SLMAP: variants seen among roughly 807,000 people sequenced by gnomAD.
The protein encoded by SLMAP is sarcolemmal membrane-associated protein.
In SLMAP, 44 loss-of-function variants were observed where a neutral mutation model predicts 128.8. The ratio of observed to expected loss-of-function variants is 0.34; its 90% CI spans 0.27 to 0.44. The LOEUF (loss-of-function observed/expected upper bound fraction) is 0.44, where lower values mean the gene tolerates loss of function less well. Among genes scored for constraint, SLMAP ranks in the 20% least tolerant of loss-of-function variants. SLMAP has a pLI of 1.00. For synonymous variants in SLMAP, 327 were observed against 348.8 expected (o/e 0.94, Z 0.70); for missense variants, 787 against 985.3 (o/e 0.80, Z 2.69).
intron 14 of SLMAP, among the ~76,000 whole-genome samples, chr3:57,872,500 T>A (rs1049583887): frequency 1.3e-5 from 2 of 151,916 alleles, no homozygotes; most frequent in African/African-American, 4.8e-5. Flanking sequence ...GCGCCTATAA[T>A]CCCAGCTTCT....
intron 14 of SLMAP, among the ~76,000 whole-genome samples, chr3:57,879,463 A>G (rs6445931): frequency 0.31 from 47,438 of 151,994 alleles, 7,762 homozygotes; most frequent in East Asian, 0.48. Flanking sequence ...CCAAACTGGA[A>G]ACAGCCAAAA....
chr3:57,860,534 T>C (rs2094999201), intron 8 of SLMAP, among the ~76,000 whole-genome samples, 165 bp from the exon 9 acceptor site: 1 of 152,186 alleles, frequency 6.6e-6, no homozygotes. Context: ...AATTTACTTA[T>C]GCAACTTGTA....
chr3:57,848,961 G>A (rs962948198), intron 5 of SLMAP, among the ~76,000 whole-genome samples: 8 of 151,680 alleles, frequency 5.3e-5, no homozygotes, highest in African/African-American at 1.9e-4. Flanking sequence ...TGGCTGCCTC[G>A]GCCTCCCAAA....
At position 57,916,855 on chromosome 3, in the gene SLMAP, T is replaced by G. The variant is rs1478848626; in HGVS notation, c.2139-51T>G. ...ATGTATAAGAAACTGGACTTCCTTC[T>G]GTGTCCAGTTTCTACCTGTGAATAA... is the stretch of plus-strand genomic sequence containing the variant. On this transcript the variant is annotated intron_variant, in intron 21 of 24. Transcript: ENST00000671191. 2.7e-6 allele frequency: 4 copies of G among 1,473,006 alleles called. No homozygotes were observed. In the Admixed American group the frequency reaches 7.2e-5, roughly 26 times the overall value. 91.2% of individuals were successfully genotyped at this position (1,473,006 alleles called of 1,614,324 possible).
At chr3:57,777,867 A>G (rs984692653) in intron 2 of SLMAP, among the ~76,000 whole-genome samples, 3 of 152,244 alleles carry the variant, frequency 2.0e-5, no homozygotes, top group Non-Finnish European at 4.4e-5. Context: ...ATCAAGTGTG[A>G]GTGATACCGT....
intron 17 of SLMAP, among the ~76,000 whole-genome samples, chr3:57,903,833 A>G (rs1217307759): frequency 1.3e-5 from 2 of 152,172 alleles, no homozygotes; most frequent in Non-Finnish European, 2.9e-5. Flanking sequence ...TAAGGCTTTC[A>G]TTTATCTTCA....
chr3:57,915,607 T>G (rs2096793904), intron 21 of SLMAP, among the ~76,000 whole-genome samples: 1 of 152,206 alleles, frequency 6.6e-6, no homozygotes, highest in South Asian at 2.1e-4. Flanking sequence ...TCAGACTCTG[T>G]AGTAGTTCAA....
chr3:57,915,407 G>A (rs1248587650), intron 21 of SLMAP, among the ~76,000 whole-genome samples: 1 of 152,204 alleles, frequency 6.6e-6, no homozygotes, highest in Non-Finnish European at 1.5e-5. Flanking sequence ...ATTTAAGACA[G>A]ATTAATTCTT....
intron 14 of SLMAP, among the ~76,000 whole-genome samples, chr3:57,879,350 ATAT>A (rs1001013961): frequency 2.6e-5 from 4 of 152,242 alleles, no homozygotes; most frequent in Non-Finnish European, 5.9e-5. Context: ...CATGTCAAAC[ATAT>A]TATACTCTCA....
chr3:57,806,044 T>G (rs137885033), intron 2 of SLMAP, among the ~76,000 whole-genome samples: 2,102 of 152,184 alleles, frequency 0.014, 22 homozygotes, highest in Non-Finnish European at 0.019. Flanking sequence ...GTTTTGTTTT[T>G]TTTTTGTAAA....
intron 15 of SLMAP, among the ~76,000 whole-genome samples, chr3:57,892,778 CTT>C (rs1352567807): frequency 6.9e-6 from 1 of 144,722 alleles, no homozygotes; most frequent in Non-Finnish European, 1.5e-5. Context: ...GACACTGTCT[CTT>C]AAAACACACA....
rs1451330098 is a variant in SLMAP, at chr3:57,880,684, T to C, written c.1300+8986T>C. 2.6e-5 allele frequency among the ~76,000 whole-genome samples: 4 copies of C among 151,416 alleles called. No individual in the cohort carries two copies. The East Asian group carries it at 7.8e-4, about 29-fold the overall frequency. On this transcript the variant is annotated intron_variant, in intron 14 of 24. Coordinates refer to ENST00000671191, the MANE Select transcript of SLMAP (RefSeq NM_001377540.1). ...CTTGAGTTCAGGAGTTCGAGACCAGTCTGGCCAACACAGTGAGACCATGTC... is the reference window on the plus strand; with the variant it reads ...CTTGAGTTCAGGAGTTCGAGACCAGCCTGGCCAACACAGTGAGACCATGTC...
chr3:57,841,418 TA>T, intron 4 of SLMAP, 47 bp downstream of exon 4: 1 of 1,094,780 alleles, frequency 9.1e-7, no homozygotes, highest in Non-Finnish European at 1.4e-6. Context: ...TTTAGTACTG[TA>T]AAGAATTTAG....
intron 24 of SLMAP, 190 bp downstream of exon 24, chr3:57,926,124 G>T: frequency 1.8e-6 from 1 of 570,850 alleles, no homozygotes; most frequent in South Asian, 2.2e-5. Context: ...TTTTTGTCTT[G>T]TTTACTTTGT....
intron 14 of SLMAP, among the ~76,000 whole-genome samples, chr3:57,885,070 A>AT (rs2095844098): frequency 6.8e-6 from 1 of 147,962 alleles, no homozygotes; most frequent in Non-Finnish European, 1.5e-5. Flanking sequence ...AAGAAGCAGA[A>AT]ATTTTTTTTT....
intron 2 of SLMAP, among the ~76,000 whole-genome samples, chr3:57,762,070 A>G (rs2078772936): frequency 6.6e-6 from 1 of 150,814 alleles, no homozygotes; most frequent in African/African-American, 2.4e-5. Flanking sequence ...AAAAAAAAAA[A>G]AAAAGTTGGA....
intron 2 of SLMAP, among the ~76,000 whole-genome samples, chr3:57,779,508 CAA>C (rs75146875): frequency 3.8e-4 from 30 of 79,772 alleles, no homozygotes; most frequent in Admixed American, 7.5e-4. Context: ...GACCCTGTTT[CAA>C]AAAAAAAAAA....
intron 3 of SLMAP, among the ~76,000 whole-genome samples, chr3:57,841,079 A>T (rs1038510982): frequency 1.3e-5 from 2 of 152,152 alleles, no homozygotes; most frequent in Non-Finnish European, 2.9e-5. Flanking sequence ...AGATTAAGAC[A>T]CTTTTCAAAA....
chr3:57,802,936 A>G lies in SLMAP; in HGVS notation c.199-28447A>G, dbSNP rs146126691. ...GCCACAAAAAAAGTTTCTTTTAAAA[A>G]ATGGATGATAGCACTATACTTGAGA... On this transcript the variant is annotated intron_variant, in intron 2 of 24. Coordinates refer to ENST00000671191, the MANE Select transcript of SLMAP (RefSeq NM_001377540.1). 2.0e-5 allele frequency among the ~76,000 whole-genome samples: 3 copies of G among 152,342 alleles called. No individual in the cohort carries two copies. The East Asian group carries it at 5.8e-4, about 29-fold the overall frequency.
Sources: gnomAD v4.1 joint callset for allele counts (sites outside exome capture counted in the v4.1 genomes callset) on GRCh38, gnomAD v4.1.1 for gene constraint, MANE v1.5 for transcripts, NCBI Gene and HGNC (gene_info 2026-07-23, HGNC 2026-07-21) for gene names.